Variants in TACC3 observed in about 807,000 individuals in gnomAD.
TACC3 encodes the protein transforming acidic coiled-coil-containing protein 3.
TACC3 carries 52 observed loss-of-function variants against 86.0 expected under a neutral mutation model. The ratio of observed to expected loss-of-function variants is 0.60; its 90% confidence interval spans 0.48 to 0.76. The LOEUF is 0.76. TACC3 is among the 30% of genes least tolerant of loss of function. The pLI, the probability that TACC3 is intolerant of heterozygous loss-of-function variation, is 0.00. For synonymous variants in TACC3, 512 were observed against 430.0 expected, an observed-to-expected ratio of 1.19 and a Z score of -2.36; for missense variants, 1,120 against 1,070.4, an observed-to-expected ratio of 1.05 and a Z score of -0.65.
At chr4:1,734,954 C>T (rs914629461) in intron 6 of TACC3, among the ~76,000 whole-genome samples, 2 of 152,248 alleles carry the variant, frequency 1.3e-5, no homozygotes, top group African/African-American at 4.8e-5. Context: ...AAAGACTTGT[C>T]TAGGGTAATT....
At chr4:1,739,936 G>A (rs111894970) in intron 11 of TACC3, 23 bp from the exon 12 acceptor site, 258,044 of 1,611,414 alleles carry the variant, frequency 0.16, 23,118 homozygotes, top group Non-Finnish European at 0.18. Flanking sequence ...GGCAATGGCT[G>A]TGTGTCTGTT....
At chr4:1,736,110 T>A (rs1003799534) in intron 8 of TACC3, among the ~76,000 whole-genome samples, 10 of 152,228 alleles carry the variant, frequency 6.6e-5, no homozygotes, top group African/African-American at 2.4e-4. Flanking sequence ...TTAAATCTTT[T>A]AAGAGTACTT....
upstream of TACC3, chr4:1,721,034 G>A: frequency 3.2e-6 from 1 of 312,880 alleles, no homozygotes; most frequent in East Asian, 4.9e-5. Context: ...GGCCGCCCGC[G>A]GGGCACTCTA....
intron 12 of TACC3, 196 bp from the exon 13 acceptor site, chr4:1,740,630 G>T: frequency 1.8e-6 from 1 of 556,640 alleles, no homozygotes; most frequent in African/African-American, 1.9e-5. Context: ...TGATGTGGAG[G>T]AAACAGCTGT....
upstream of TACC3, chr4:1,720,892 G>C: frequency 6.6e-7 from 1 of 1,516,186 alleles, no homozygotes; most frequent in Non-Finnish European, 8.9e-7. The surrounding 1 kb of genome is among the most constrained non-coding windows in gnomAD (Gnocchi z 4.4). Flanking sequence ...GCGCGGACGA[G>C]GCCGCAGCGC....
intron 3 of TACC3, among the ~76,000 whole-genome samples, chr4:1,724,948 T>TTTTTA (rs386399048): frequency 6.7e-6 from 1 of 149,994 alleles, no homozygotes; most frequent in Non-Finnish European, 1.5e-5. Flanking sequence ...TTTTTTTTTT[T>TTTTTA]TACACGGAGT....
intron 6 of TACC3, among the ~76,000 whole-genome samples, chr4:1,732,250 A>G (rs1718038297): frequency 1.3e-5 from 2 of 151,514 alleles, no homozygotes; most frequent in Non-Finnish European, 2.9e-5. Flanking sequence ...GGCTGCAGTT[A>G]AATAAATACG....
chr4:1,737,537 C>G (rs1718340798), intron 9 of TACC3, 61 bp from the exon 10 acceptor site: 1 of 1,342,474 alleles, frequency 7.4e-7, no homozygotes, highest in Non-Finnish European at 1.0e-6. Flanking sequence ...CTCCCTCACA[C>G]TAGGTCAGAG....
chr4:1,739,962 G>T lies in TACC3; in HGVS notation c.2022G>T (p.Lys674Asn), dbSNP rs918542150. Residue 674 changes from lysine to asparagine, a missense_variant, in exon 12 of 16, where the codon AAG (lysine) becomes AAT (asparagine). Transcript: ENST00000313288. ...ELHGKNLELG[K>N]IMDRFEEVVY... is the part of the protein sequence containing the mutation. ...TGTGTCTGTTCTCCTCCCACAGGAA[G>T]ATCATGGACAGGTTCGAAGAGGTTG... 1.2e-6 allele frequency: 2 copies of T among 1,613,190 alleles called. No individual in the cohort carries two copies. Among genetic ancestry groups the T allele is most frequent in the African/African-American group, 2.7e-5 (2 of 75,034 alleles).
chr4:1,741,676 T>A (rs1274006413), intron 13 of TACC3: 1 of 152,006 alleles, frequency 6.6e-6, no homozygotes, highest in African/African-American at 2.4e-5. Flanking sequence ...TGCAAGGGGG[T>A]TGGGGACACC....
intron 6 of TACC3, among the ~76,000 whole-genome samples, chr4:1,731,814 T>C (rs1241447015): frequency 1.3e-5 from 2 of 152,216 alleles, no homozygotes; most frequent in Non-Finnish European, 2.9e-5. Context: ...TTTGTACTTT[T>C]AGTGGCAACG....
chr4:1,737,634 G>A lies in TACC3; in HGVS notation c.1873G>A (p.Gly625Ser), dbSNP rs1718348532. 1.3e-6 allele frequency: 2 copies of A among 1,536,142 alleles called. No individual in the cohort carries two copies. Among genetic ancestry groups the A allele is most frequent in the Non-Finnish European group, 1.8e-6 (2 of 1,138,332 alleles). Residue 625 changes from glycine to serine, a missense_variant, in exon 10 of 16, where the codon GGC becomes AGC. Physicochemically the swap from Gly to Ser is moderately conservative, Grantham distance 56. Transcript: ENST00000313288. ...ACCCCCAGGTGTTCCCGCGCCTGGG[G>A]GCCCACCCCTGTCCACCGGACCTAT... The part of the protein sequence containing the change: ...GPPPGVPAPG[G>S]PPLSTGPIVD...
intron 3 of TACC3, among the ~76,000 whole-genome samples, chr4:1,725,334 T>C (rs1717633350): frequency 2.0e-5 from 3 of 152,202 alleles, no homozygotes; most frequent in African/African-American, 7.2e-5. Flanking sequence ...CACCAGTAAG[T>C]GCAGGCAGCA....
At chr4:1,731,328 C>A in intron 6 of TACC3, 27 bp downstream of exon 6, 1 of 1,611,236 alleles carries the variant, frequency 6.2e-7, no homozygotes, top group Non-Finnish European at 8.5e-7. Context: ...AGACGTCACA[C>A]ACAGTCTGCC....
Position 1,728,311 on chromosome 4 carries a change from C to T in TACC3, c.909C>T (p.Ala303=), listed in dbSNP as rs542161619. ...ACACCTCTGCTCCTGAGAGCACAGCCCCAACCAACCACCTGGTGGCTGGCA... is the reference window on the plus strand; with the variant it reads ...ACACCTCTGCTCCTGAGAGCACAGCTCCAACCAACCACCTGGTGGCTGGCA... ...CAHTSAPEST[A]PTNHLVAGRA... Residue 303 remains alanine (A), a synonymous_variant, in exon 4 of 16, where the codon GCC becomes GCT. Coordinates refer to ENST00000313288, the MANE Select transcript of TACC3 (RefSeq NM_006342.3). 1.1e-5 allele frequency: 17 copies of T among 1,612,948 alleles called. No homozygotes were observed. The highest frequency in any genetic ancestry group is 1.6e-4 in the Middle Eastern group (1 of 6,062).
chr4:1,727,216 T>C (rs1434621220), intron 3 of TACC3, among the ~76,000 whole-genome samples: 1 of 152,066 alleles, frequency 6.6e-6, no homozygotes, highest in Non-Finnish European at 1.5e-5. Flanking sequence ...CCAGGCTTCT[T>C]TCTCTGGCAT....
rs961174207 is a variant in TACC3 at position 1,735,366 on chromosome 4, G to A, written c.1644+41G>A. On this transcript the variant is annotated intron_variant, in intron 7 of 15. Coordinates refer to ENST00000313288, the MANE Select transcript of TACC3 (RefSeq NM_006342.3). The surrounding 1 kb of genome is among the most constrained non-coding windows in gnomAD (Gnocchi z 4.2). ...TTCCGCGAAGCCTCACCCACAGGGTGTCCGAGAGCAGCCACGGCAGGTCTT... is the reference window on the plus strand; with the variant it reads ...TTCCGCGAAGCCTCACCCACAGGGTATCCGAGAGCAGCCACGGCAGGTCTT... The A allele has an allele frequency of 4.3e-6, 7 of 1,612,796 alleles. No individual in the cohort carries two copies. Among genetic ancestry groups the A allele is most frequent in the Non-Finnish European group, 5.9e-6 (7 of 1,179,228 alleles).
chr4:1,721,143 C>G (rs1047847387), upstream of TACC3: 1 of 226,812 alleles, frequency 4.4e-6, no homozygotes, highest in Non-Finnish European at 8.3e-6. Flanking sequence ...ATGCAGTCCC[C>G]GTGCGGGTGC....
intron 3 of TACC3, 88 bp downstream of exon 3, chr4:1,723,958 C>A (rs41286673): frequency 0.16 from 229,290 of 1,448,584 alleles, 20,645 homozygotes; most frequent in Non-Finnish European, 0.18. Context: ...TTCTATCAGG[C>A]CTTGGCTGGA....
Sources: gnomAD v4.1 joint callset for allele counts (sites outside exome capture counted in the v4.1 genomes callset) on GRCh38, gnomAD v4.1.1 for gene constraint, Gnocchi (gnomAD v3.1) non-coding constraint, MANE v1.5 for transcripts, NCBI Gene and HGNC (gene_info 2026-07-23, HGNC 2026-07-21) for gene names.